RTN1: variants seen among roughly 807,000 people sequenced by gnomAD.
RTN1 encodes reticulon-1.
In RTN1, 25 loss-of-function variants were observed where a neutral mutation model predicts 65.5. The observed-to-expected ratio is 0.38, with a 90% CI of 0.28 to 0.53. The LOEUF is 0.53. Among genes scored for constraint, RTN1 ranks in the 20% least tolerant of loss-of-function variants. RTN1 has a pLI of 0.79. For missense variants in RTN1, 983 were observed against 1,025.4 expected (o/e 0.96, Z 0.57); for synonymous variants, 471 against 447.6 (o/e 1.05, Z -0.66).
In RTN1 at chr14:59,849,979, C is replaced by G. The variant is rs2139661898; in HGVS notation, c.241+20411G>C. Among the ~76,000 whole-genome samples, 1 of 152,218 alleles carries G rather than the reference C, an allele frequency of 6.6e-6. No homozygotes were observed. The highest frequency in any genetic ancestry group is 1.5e-5 in the Non-Finnish European group (1 of 68,010). On this transcript the variant is annotated intron_variant, in intron 1 of 8. Transcript: ENST00000267484. This position sits in a 1 kb window ranked among gnomAD's most constrained non-coding sequence, Gnocchi z 4.5. Reference sequence around the variant, plus strand: ...CCTCTTCCTTTTTGTCTATTTGTGTCCATTCCAGGGGCCAAGCCTCTCCTT... The same window carrying G: ...CCTCTTCCTTTTTGTCTATTTGTGTGCATTCCAGGGGCCAAGCCTCTCCTT...
intron 3 of RTN1, among the ~76,000 whole-genome samples, chr14:59,642,949 A>C (rs773977382): frequency 2.0e-5 from 3 of 152,216 alleles, no homozygotes; most frequent in Non-Finnish European, 4.4e-5. Flanking sequence ...GCCTCTAGTA[A>C]GTAGCAACTG....
intron 1 of RTN1, among the ~76,000 whole-genome samples, chr14:59,827,236 G>T (rs1207337516): frequency 3.3e-5 from 5 of 152,048 alleles, no homozygotes; most frequent in African/African-American, 9.7e-5. Flanking sequence ...CCGCCACCAC[G>T]CCTGGCTAAG....
chr14:59,764,167 G>A (rs1318304506), intron 1 of RTN1, among the ~76,000 whole-genome samples: 2 of 152,132 alleles, frequency 1.3e-5, no homozygotes, highest in Non-Finnish European at 2.9e-5. Context: ...GAGGGTTATG[G>A]AGCCACTGTG....
At chr14:59,701,850 G>A (rs1884186699) in intron 3 of RTN1, among the ~76,000 whole-genome samples, 1 of 152,144 alleles carries the variant, frequency 6.6e-6, no homozygotes, top group African/African-American at 2.4e-5. Context: ...CAATAAAGCT[G>A]TATAAAAACA....
At chr14:59,752,638 A>G (rs188149312) in intron 1 of RTN1, among the ~76,000 whole-genome samples, 1 of 152,222 alleles carries the variant, frequency 6.6e-6, no homozygotes, top group East Asian at 1.9e-4. Flanking sequence ...ATATATGTAC[A>G]TGTTACCTTC....
At chr14:59,767,269 C>A (rs999366205) in intron 1 of RTN1, among the ~76,000 whole-genome samples, 2 of 152,174 alleles carry the variant, frequency 1.3e-5, no homozygotes, top group African/African-American at 4.8e-5. Flanking sequence ...GGATCACATG[C>A]TTAAAGAAGA....
At chr14:59,717,664 G>A (rs1342144841) in intron 3 of RTN1, among the ~76,000 whole-genome samples, 1 of 152,196 alleles carries the variant, frequency 6.6e-6, no homozygotes, top group Non-Finnish European at 1.5e-5. Context: ...AGACCAGGCT[G>A]TGTTTACATG....
At chr14:59,777,940 C>T (rs538195192) in intron 1 of RTN1, among the ~76,000 whole-genome samples, 1 of 152,028 alleles carries the variant, frequency 6.6e-6, no homozygotes, top group South Asian at 2.1e-4. Flanking sequence ...CTACGTGTCT[C>T]TTTAGCTTCT....
At chr14:59,835,322 G>A (rs1429589482) in intron 1 of RTN1, among the ~76,000 whole-genome samples, 3 of 152,144 alleles carry the variant, frequency 2.0e-5, no homozygotes, top group Non-Finnish European at 4.4e-5. Flanking sequence ...TGACAGAAAA[G>A]GGGCGGGGAG....
At chr14:59,826,385 C>T (rs1260059039) in intron 1 of RTN1, among the ~76,000 whole-genome samples, 1 of 152,218 alleles carries the variant, frequency 6.6e-6, no homozygotes, top group East Asian at 1.9e-4. Flanking sequence ...ATACTTGGCA[C>T]ATTGTAAGCA....
chr14:59,681,815 T>C (rs1251873204), intron 3 of RTN1, among the ~76,000 whole-genome samples: 8 of 152,308 alleles, frequency 5.3e-5, no homozygotes, highest in Non-Finnish European at 1.0e-4. Context: ...CAGATTCCTG[T>C]TTCTGTCTCA....
At chr14:59,642,228 T>A (rs1351237861) in intron 3 of RTN1, among the ~76,000 whole-genome samples, 45 of 152,168 alleles carry the variant, frequency 3.0e-4, no homozygotes, top group Admixed American at 2.9e-3. Context: ...TGTTGCTTCT[T>A]AGAAAGTAAC....
chr14:59,711,709 T>C (rs1884422171), intron 3 of RTN1, among the ~76,000 whole-genome samples: 1 of 152,210 alleles, frequency 6.6e-6, no homozygotes, highest in African/African-American at 2.4e-5. Flanking sequence ...AAGCTTAACG[T>C]CTACTTGGGA....
chr14:59,730,867 A>T (rs1050371535), intron 2 of RTN1, among the ~76,000 whole-genome samples: 1 of 152,236 alleles, frequency 6.6e-6, no homozygotes, highest in African/African-American at 2.4e-5. Flanking sequence ...TCTGGAAAAG[A>T]TTTAGAGAAA....
At chr14:59,669,022 T>C (rs1253653189) in intron 3 of RTN1, among the ~76,000 whole-genome samples, 2 of 152,054 alleles carry the variant, frequency 1.3e-5, no homozygotes, top group African/African-American at 4.8e-5. Flanking sequence ...GTAAATTAGT[T>C]CAACCACTGT....
intron 1 of RTN1, among the ~76,000 whole-genome samples, chr14:59,783,163 T>A (rs906570032): frequency 6.6e-6 from 1 of 152,200 alleles, no homozygotes; most frequent in Non-Finnish European, 1.5e-5. Context: ...TATATGTTGA[T>A]CCCTATGTTG....
At chr14:59,645,426 T>C (rs897053505) in intron 3 of RTN1, among the ~76,000 whole-genome samples, 6 of 152,164 alleles carry the variant, frequency 3.9e-5, no homozygotes, top group African/African-American at 1.4e-4. Context: ...TTACATGTTT[T>C]CTACATGTTA....
intron 1 of RTN1, among the ~76,000 whole-genome samples, chr14:59,789,996 G>A (rs1019290156): frequency 3.9e-5 from 6 of 151,946 alleles, no homozygotes; most frequent in African/African-American, 9.6e-5. Context: ...ATAAACTTAC[G>A]GCTATCGAAT....
intron 1 of RTN1, among the ~76,000 whole-genome samples, chr14:59,776,291 T>C (rs1886048860): frequency 6.6e-6 from 1 of 152,050 alleles, no homozygotes; most frequent in African/African-American, 2.4e-5. Context: ...GGCCATGCCT[T>C]CATGAAGGAT....
Sources: allele counts gnomAD v4.1 joint callset (sites outside exome capture counted in the v4.1 genomes callset), GRCh38; gene constraint gnomAD v4.1.1; non-coding constraint Gnocchi (gnomAD v3.1); transcripts MANE v1.5; gene names NCBI Gene and HGNC (gene_info 2026-07-23, HGNC 2026-07-21).